The following ZNF438 variants were observed in gnomAD, a reference collection of about 807,000 sequenced individuals.
ZNF438 encodes the protein zinc finger protein 438.
ZNF438 carries 25 observed loss-of-function variants against 38.0 expected under a neutral mutation model. The ratio of observed to expected loss-of-function variants is 0.66; its 90% CI spans 0.48 to 0.92. The LOEUF is 0.92. Ranked by LOEUF, ZNF438 falls within the 40% of genes least tolerant of loss-of-function variation. ZNF438 has a pLI of 0.00. For missense variants in ZNF438, 1,007 were observed against 999.6 expected (o/e 1.01, Z -0.10); for synonymous variants, 372 against 364.1 (o/e 1.02, Z -0.25).
Position 30,939,258 on chromosome 10 carries a change from G to A in ZNF438, c.-115+2317C>T, listed in dbSNP as rs570627015. On this transcript the variant is annotated intron_variant, in intron 2 of 5. Coordinates refer to ENST00000413025, the Ensembl canonical transcript of ZNF438. ...TTCTTACAGCATGACAACCTCAATC[G>A]TCAACCTTGAGGGTTGTTTATGTGC... is the stretch of plus-strand genomic sequence containing the variant. Among the ~76,000 whole-genome samples the A allele has an allele frequency of 2.6e-5, 4 of 152,216 alleles. No individual in the cohort carries two copies. The East Asian group carries it at 5.8e-4, about 22-fold the overall frequency.
At chr10:30,968,522 C>A (rs898706113) in intron 1 of ZNF438, among the ~76,000 whole-genome samples, 1 of 145,736 alleles carries the variant, frequency 6.9e-6, no homozygotes, top group Non-Finnish European at 1.5e-5. Flanking sequence ...CGGCTCACCA[C>A]AACCTCCACC....
At chr10:30,942,130 C>A (rs1408095189) in intron 1 of ZNF438, among the ~76,000 whole-genome samples, 1 of 151,986 alleles carries the variant, frequency 6.6e-6, no homozygotes, top group Admixed American at 6.6e-5. Flanking sequence ...TTTTGGAGCA[C>A]GATAATTACT....
chr10:30,908,445 T>C (rs2042785603), intron 3 of ZNF438, among the ~76,000 whole-genome samples: 1 of 152,200 alleles, frequency 6.6e-6, no homozygotes, highest in Non-Finnish European at 1.5e-5. Context: ...AAGAGGGTGC[T>C]TACCTTTTTA....
At chr10:30,929,209 T>C (rs990897705) in intron 2 of ZNF438, among the ~76,000 whole-genome samples, 1 of 152,114 alleles carries the variant, frequency 6.6e-6, no homozygotes, top group African/African-American at 2.4e-5. Context: ...CTGAAATTGG[T>C]GGGTTCTTGG....
chr10:30,995,742 A>G (rs2053979957), intron 1 of ZNF438, among the ~76,000 whole-genome samples: 1 of 152,254 alleles, frequency 6.6e-6, no homozygotes, highest in Non-Finnish European at 1.5e-5. Context: ...ACAGCACAAA[A>G]GAAGCAGGTG....
chr10:30,845,326 C>G, exon 6 of ZNF438: 2 of 1,614,182 alleles, frequency 1.2e-6, no homozygotes, highest in Non-Finnish European at 1.7e-6. Flanking sequence ...TCCGGCTTCC[C>G]TCTCTCAGGA....
chr10:31,014,863 TATA>T (rs2056055121), intron 1 of ZNF438, among the ~76,000 whole-genome samples: 1 of 12,186 alleles, frequency 8.2e-5, no homozygotes, highest in Admixed American at 7.3e-4. Flanking sequence ...TGTGTGTGTA[TATA>T]TATATATATA....
intron 1 of ZNF438, among the ~76,000 whole-genome samples, chr10:30,970,105 TAC>T (rs55745286): frequency 0.085 from 12,359 of 144,956 alleles, 724 homozygotes; most frequent in African/African-American, 0.19. Flanking sequence ...TGCTGGCTGA[TAC>T]ACACACACAC....
chr10:30,936,630 C>T lies in ZNF438; in HGVS notation c.-115+4945G>A, dbSNP rs116004066. Among the ~76,000 whole-genome samples the T allele has an allele frequency of 9.3e-3, 1,421 of 152,202 alleles. 21 individuals carry two copies. Among genetic ancestry groups the T allele is most frequent in the African/African-American group, 0.032 (1,314 of 41,506 alleles). Reference sequence around the variant, plus strand: ...CGGAGGTTACAATGAGCTGAGATTGCGCCATCGCACTCCAGCCTAGGGGAG... The same window carrying T: ...CGGAGGTTACAATGAGCTGAGATTGTGCCATCGCACTCCAGCCTAGGGGAG... On this transcript the variant is annotated intron_variant, in intron 2 of 5. Transcript: ENST00000413025.
At chr10:31,016,241 A>G (rs1172132537) in intron 1 of ZNF438, among the ~76,000 whole-genome samples, 1 of 150,572 alleles carries the variant, frequency 6.6e-6, no homozygotes, top group African/African-American at 2.4e-5. Context: ...GCATAATTAT[A>G]ACAGGGGTGA....
intron 2 of ZNF438, among the ~76,000 whole-genome samples, chr10:30,917,493 A>C (rs2043782690): frequency 6.6e-6 from 1 of 152,052 alleles, no homozygotes; most frequent in South Asian, 2.1e-4. Context: ...ATCCTATCTG[A>C]TTTTAGACAG....
At chr10:31,002,195 T>G (rs1378878268) in intron 1 of ZNF438, among the ~76,000 whole-genome samples, 1 of 152,234 alleles carries the variant, frequency 6.6e-6, no homozygotes, top group East Asian at 1.9e-4. Context: ...ATAGAAGAGA[T>G]AACTCAAGGT....
intron 1 of ZNF438, among the ~76,000 whole-genome samples, chr10:30,986,088 A>G (rs1057049063): frequency 6.6e-6 from 1 of 152,220 alleles, no homozygotes; most frequent in Non-Finnish European, 1.5e-5. Context: ...AGGCTATACC[A>G]AATAGCCTAC....
At chr10:30,930,830 A>AAAAAAAAAAAAAAAAAAAAC in intron 2 of ZNF438, among the ~76,000 whole-genome samples, 1 of 116,556 alleles carries the variant, frequency 8.6e-6, no homozygotes, top group Non-Finnish European at 1.8e-5. Flanking sequence ...AAAAAAAAAA[A>AAAAAAAAAAAAAAAAAAAAC]AAAAGCAAAT....
At chr10:30,846,179 T>A (rs2032027686) in intron 5 of ZNF438, among the ~76,000 whole-genome samples, 1 of 152,230 alleles carries the variant, frequency 6.6e-6, no homozygotes, top group Non-Finnish European at 1.5e-5. Flanking sequence ...AGATTTTGAT[T>A]TTTAGGTACA....
chr10:30,921,194 G>A (rs1392415449), intron 2 of ZNF438: 9 of 152,132 alleles, frequency 5.9e-5, no homozygotes, highest in Non-Finnish European at 1.0e-4. Flanking sequence ...TGCTAAAGAA[G>A]TTGAACCTGT....
At chr10:30,945,388 CTTTTT>C (rs61149961) in intron 1 of ZNF438, among the ~76,000 whole-genome samples, 2 of 141,124 alleles carry the variant, frequency 1.4e-5, no homozygotes, top group African/African-American at 2.6e-5. Flanking sequence ...GATTCTTTTA[CTTTTT>C]TTTTTTTTAT....
chr10:30,844,863 T>C (rs2031500574), exon 6 of ZNF438: 1 of 1,411,574 alleles, frequency 7.1e-7, no homozygotes, highest in Non-Finnish European at 9.6e-7. Context: ...ACCAATCCTG[T>C]TGTTTGATCT....
intron 1 of ZNF438, among the ~76,000 whole-genome samples, chr10:30,958,110 G>A (rs922190757): frequency 1.4e-5 from 2 of 146,382 alleles, no homozygotes; most frequent in East Asian, 1.9e-4. Context: ...TGAGTCATAC[G>A]ACCAAAGAAT....
Sources: allele counts gnomAD v4.1 joint callset (sites outside exome capture counted in the v4.1 genomes callset), GRCh38; gene constraint gnomAD v4.1.1; transcripts MANE v1.5; gene names NCBI Gene and HGNC (gene_info 2026-07-23, HGNC 2026-07-21).